INSL6: variants seen among roughly 807,000 people sequenced by gnomAD.
INSL6 encodes insulin like 6.
A neutral mutation model predicts 9.4 loss-of-function variants in INSL6; 16 were observed. That is an observed-to-expected ratio of 1.70 (90% CI 1.15 to 2.59). The LOEUF is 2.59. Ranked by LOEUF, INSL6 falls within the 30% of genes most tolerant of loss-of-function variation. The pLI, the probability that INSL6 is intolerant of heterozygous loss-of-function variation, is 0.00. For missense variants in INSL6, 391 were observed against 257.3 expected, an observed-to-expected ratio of 1.52 and a Z score of -3.56; for synonymous variants, 154 against 96.9, an observed-to-expected ratio of 1.59 and a Z score of -3.46.
chr9:5,021,157 G>A, the INSL6 span, among the ~76,000 whole-genome samples: 1 of 152,234 alleles, frequency 6.6e-6, no homozygotes, highest in East Asian at 1.9e-4. Flanking sequence ...GATCCTGGCT[G>A]AGCAGGCTGC....
the INSL6 span, chr9:5,110,447 C>A: frequency 6.5e-6 from 1 of 152,672 alleles, no homozygotes; most frequent in Non-Finnish European, 1.5e-5. Flanking sequence ...CATTCCTTCA[C>A]ATGTGCACCC....
chr9:5,099,285 T>C, the INSL6 span: 1 of 152,174 alleles, frequency 6.6e-6, no homozygotes, highest in African/African-American at 2.4e-5. Flanking sequence ...GTCCTAGAAC[T>C]AATCCTCTTA....
At chr9:5,175,763 T>C in intron 1 of INSL6, among the ~76,000 whole-genome samples, 1 of 152,122 alleles carries the variant, frequency 6.6e-6, no homozygotes, top group Non-Finnish European at 1.5e-5. Flanking sequence ...GCACGCTCCT[T>C]ATGAGAATCT....
the INSL6 span, chr9:5,054,518 T>TTTTTG: frequency 2.1e-6 from 3 of 1,443,312 alleles, no homozygotes; most frequent in Non-Finnish European, 9.4e-7. The surrounding 1 kb of genome is among the most constrained non-coding windows in gnomAD (Gnocchi z 4.9). Context: ...TATCTTCCAA[T>TTTTTG]TTTTGTTTTG....
At chr9:5,125,741 G>GACTATTGCATTTCTTTTCTTAATGTGA (rs1564029003) in intron 3 of INSL6, among the ~76,000 whole-genome samples, 19 of 128,866 alleles carry the variant, frequency 1.5e-4, no homozygotes, top group East Asian at 2.0e-4. Flanking sequence ...TCTTAATGTG[G>GACTATTGCATTTCTTTTCTTAATGTGA]TTGACTATAT....
At chr9:5,072,051 C>T in the INSL6 span, among the ~76,000 whole-genome samples, 10 of 152,118 alleles carry the variant, frequency 6.6e-5, no homozygotes, top group South Asian at 2.1e-4. Flanking sequence ...GAAGAAACCA[C>T]GACAGCTGCA....
the INSL6 span, among the ~76,000 whole-genome samples, chr9:5,053,049 A>C: frequency 7.2e-5 from 11 of 152,024 alleles, 1 homozygote; most frequent in Non-Finnish European, 1.0e-4. Flanking sequence ...GTAACTGTTT[A>C]ACTTTTTGAG....
chr9:5,072,747 C>A, the INSL6 span: 1 of 619,960 alleles, frequency 1.6e-6, no homozygotes, highest in Non-Finnish European at 2.5e-6. Flanking sequence ...GTGTCAAGGA[C>A]TTTTCTGAGG....
the INSL6 span, among the ~76,000 whole-genome samples, chr9:5,004,492 A>G: frequency 6.6e-6 from 1 of 152,122 alleles, no homozygotes; most frequent in Non-Finnish European, 1.5e-5. Flanking sequence ...GCTGAATTAT[A>G]TTCTATTGTG....
chr9:5,064,999 C>T, the INSL6 span: 10 of 1,607,352 alleles, frequency 6.2e-6, no homozygotes, highest in Middle Eastern at 1.7e-4. Flanking sequence ...CACCTCCAGC[C>T]GTGCTTGAAA....
At chr9:5,086,939 C>T in the INSL6 span, among the ~76,000 whole-genome samples, 1 of 152,164 alleles carries the variant, frequency 6.6e-6, no homozygotes, top group Non-Finnish European at 1.5e-5. Flanking sequence ...CCCCCCTTCC[C>T]TTGATTATCT....
the INSL6 span, among the ~76,000 whole-genome samples, chr9:5,118,665 G>A: frequency 2.6e-5 from 4 of 152,110 alleles, no homozygotes; most frequent in Admixed American, 1.3e-4. Context: ...AGATGTAAAC[G>A]CTGAGAAAAC....
At chr9:5,167,361 C>G (rs561524781) in intron 1 of INSL6, among the ~76,000 whole-genome samples, 1 of 152,350 alleles carries the variant, frequency 6.6e-6, no homozygotes, top group South Asian at 2.1e-4. Context: ...TGAGCAGGCA[C>G]TGAGACCACG....
the INSL6 span, chr9:5,077,552 A>G: frequency 6.7e-7 from 1 of 1,495,274 alleles, no homozygotes; most frequent in Non-Finnish European, 8.9e-7. Flanking sequence ...GAAGTTGCTA[A>G]ACAGTTGGCA....
chr9:5,167,908 A>G (rs373629402), intron 1 of INSL6, among the ~76,000 whole-genome samples: 4 of 152,198 alleles, frequency 2.6e-5, no homozygotes, highest in African/African-American at 9.7e-5. Context: ...CTCCACGGTG[A>G]TACCTCCTGG....
At chr9:4,999,080 C>T in the INSL6 span, among the ~76,000 whole-genome samples, 7 of 152,128 alleles carry the variant, frequency 4.6e-5, no homozygotes. Context: ...CTGCCTCGGC[C>T]TCCCAAAGTG....
At chr9:5,150,110 A>G (rs1028713993) in intron 2 of INSL6, among the ~76,000 whole-genome samples, 4 of 152,242 alleles carry the variant, frequency 2.6e-5, no homozygotes, top group African/African-American at 9.6e-5. Context: ...GATAAATTAA[A>G]GATTTAAATG....
the INSL6 span, among the ~76,000 whole-genome samples, chr9:5,060,768 T>C: frequency 6.6e-6 from 1 of 152,256 alleles, no homozygotes; most frequent in African/African-American, 2.4e-5. Flanking sequence ...ACTGATGTTC[T>C]TCCTGGCATC....
At chr9:5,176,523 C>A (rs908708939) in intron 1 of INSL6, among the ~76,000 whole-genome samples, 4 of 151,928 alleles carry the variant, frequency 2.6e-5, no homozygotes, top group Non-Finnish European at 5.9e-5. Flanking sequence ...AAGAAAAAAT[C>A]ATAAGACTAA....
Sources: allele counts gnomAD v4.1 joint callset (sites outside exome capture counted in the v4.1 genomes callset), GRCh38; gene constraint gnomAD v4.1.1; non-coding constraint Gnocchi (gnomAD v3.1); transcripts MANE v1.5; gene names NCBI Gene and HGNC (gene_info 2026-07-23, HGNC 2026-07-21).